CSGALNACT1: variants seen among roughly 807,000 people sequenced by gnomAD.
CSGALNACT1 encodes the protein chondroitin sulfate N-acetylgalactosaminyltransferase 1.
CSGALNACT1 carries 52 observed loss-of-function variants against 51.0 expected under a neutral mutation model. The observed-to-expected ratio is 1.02, with a 90% CI of 0.82 to 1.29. The LOEUF (loss-of-function observed/expected upper bound fraction) is 1.29, where lower values mean the gene tolerates loss of function less well. Among genes scored for constraint, CSGALNACT1 ranks in the 50% most tolerant of loss-of-function variants. The pLI, the probability that CSGALNACT1 is intolerant of heterozygous loss-of-function variation, is 0.00. For synonymous variants in CSGALNACT1, 341 were observed against 254.4 expected (o/e 1.34, Z -3.24); for missense variants, 935 against 679.2 (o/e 1.38, Z -4.19).
At chr8:19,530,143 C>A (rs915783966) in intron 3 of CSGALNACT1, among the ~76,000 whole-genome samples, 1 of 152,092 alleles carries the variant, frequency 6.6e-6, no homozygotes, top group Non-Finnish European at 1.5e-5. Flanking sequence ...ATTGCATGAA[C>A]CCAGGAGGCA....
At chr8:19,589,370 G>A (rs1254563647) in intron 3 of CSGALNACT1, among the ~76,000 whole-genome samples, 1 of 152,156 alleles carries the variant, frequency 6.6e-6, no homozygotes, top group African/African-American at 2.4e-5. Flanking sequence ...TTGTCACCCA[G>A]GCTGGAGTGC....
intron 4 of CSGALNACT1, among the ~76,000 whole-genome samples, chr8:19,486,224 G>A (rs2072899754): frequency 6.6e-6 from 1 of 151,820 alleles, no homozygotes; most frequent in Admixed American, 6.6e-5. Context: ...GATGATTGGT[G>A]ACAAGCCTCA....
chr8:19,679,048 T>C (rs116781369), intron 1 of CSGALNACT1, among the ~76,000 whole-genome samples: 2 of 152,218 alleles, frequency 1.3e-5, no homozygotes, highest in African/African-American at 4.8e-5. Flanking sequence ...ACAAACGTTA[T>C]GCAATCAATA....
At chr8:19,589,206 A>G (rs752288651) in intron 3 of CSGALNACT1, among the ~76,000 whole-genome samples, 2 of 152,158 alleles carry the variant, frequency 1.3e-5, no homozygotes, top group Admixed American at 6.5e-5. Flanking sequence ...TTGAGGAGAA[A>G]ACCATCTGCC....
At chr8:19,434,038 G>T (rs2060017558) in intron 6 of CSGALNACT1, among the ~76,000 whole-genome samples, 1 of 152,114 alleles carries the variant, frequency 6.6e-6, no homozygotes, top group Admixed American at 6.6e-5. Context: ...CCTCCATAAA[G>T]CTCCCTTTCA....
chr8:19,493,555 G>A (rs548955218), intron 4 of CSGALNACT1, among the ~76,000 whole-genome samples: 1 of 152,160 alleles, frequency 6.6e-6, no homozygotes, highest in Non-Finnish European at 1.5e-5. Flanking sequence ...CTGCTGATTT[G>A]CCTATGCTGG....
intron 1 of CSGALNACT1, among the ~76,000 whole-genome samples, chr8:19,720,245 A>T (rs562651726): frequency 6.6e-6 from 1 of 152,174 alleles, no homozygotes; most frequent in Admixed American, 6.5e-5. Flanking sequence ...GCCAAAGTCA[A>T]TCCCTAGTGA....
At chr8:19,427,787 C>CA (rs918559547) in intron 6 of CSGALNACT1, among the ~76,000 whole-genome samples, 266 of 142,190 alleles carry the variant, frequency 1.9e-3, no homozygotes, top group Middle Eastern at 0.011. Context: ...GACTCCACTT[C>CA]AAAAAAAAAA....
chr8:19,573,394 T>A (rs933260842), intron 3 of CSGALNACT1, among the ~76,000 whole-genome samples: 7 of 152,156 alleles, frequency 4.6e-5, no homozygotes. Context: ...TGCCAGGACC[T>A]TTCTGTTCAC....
chr8:19,498,001 T>C (rs1202622459), intron 4 of CSGALNACT1, among the ~76,000 whole-genome samples: 1 of 152,208 alleles, frequency 6.6e-6, no homozygotes, highest in Non-Finnish European at 1.5e-5. Context: ...TGTTGATTGA[T>C]GTCTCATGTC....
chr8:19,584,839 T>C (rs1243342334), intron 3 of CSGALNACT1, among the ~76,000 whole-genome samples: 1 of 152,180 alleles, frequency 6.6e-6, no homozygotes, highest in Non-Finnish European at 1.5e-5. Context: ...TAAGGGCTTG[T>C]CATCCAGACC....
At chr8:19,469,144 C>A (rs1306787398) in intron 4 of CSGALNACT1, among the ~76,000 whole-genome samples, 1 of 152,170 alleles carries the variant, frequency 6.6e-6, no homozygotes, top group Non-Finnish European at 1.5e-5. Flanking sequence ...AATCCTAGCA[C>A]TTTGGGAGGC....
chr8:19,437,628 C>T (rs780691548), intron 6 of CSGALNACT1, among the ~76,000 whole-genome samples: 7 of 152,146 alleles, frequency 4.6e-5, no homozygotes, highest in Non-Finnish European at 7.4e-5. Flanking sequence ...TTATTTTATT[C>T]CCTATGCAAC....
chr8:19,438,709 G>A (rs967934486), intron 6 of CSGALNACT1, among the ~76,000 whole-genome samples: 1 of 152,204 alleles, frequency 6.6e-6, no homozygotes, highest in African/African-American at 2.4e-5. Context: ...AAACGGGCAT[G>A]CCTGCATTCC....
intron 1 of CSGALNACT1, among the ~76,000 whole-genome samples, chr8:19,750,965 A>T (rs1359702528): frequency 6.6e-6 from 1 of 152,194 alleles, no homozygotes; most frequent in Non-Finnish European, 1.5e-5. Context: ...AGCTGCTAGA[A>T]AAAGCTACAT....
chr8:19,446,130 G>A (rs1307061337), intron 5 of CSGALNACT1, among the ~76,000 whole-genome samples: 3 of 152,144 alleles, frequency 2.0e-5, no homozygotes, highest in Non-Finnish European at 2.9e-5. Context: ...AGCTGAGATG[G>A]TGCCAGTGCA....
In CSGALNACT1 at chr8:19,486,127, GA is replaced by G. The variant is rs1170415084; in HGVS notation, c.634+19073del. On this transcript the variant is annotated intron_variant, in intron 4 of 9. Transcript: ENST00000454498. ...AAACCTCCTGAGAGTCTCTTTGGGAGAAAAAAAAAACAAAAAAAACAGCCAC... is the reference window on the plus strand; with the variant it reads ...AAACCTCCTGAGAGTCTCTTTGGGAGAAAAAAAAACAAAAAAAACAGCCAC... Among the ~76,000 whole-genome samples the G allele has an allele frequency of 7.6e-5, 11 of 144,056 alleles. No individual in the cohort carries two copies. In the East Asian group the frequency reaches 8.1e-4, roughly 11 times the overall value. The allele number at this position is 144,056 out of a possible 152,430, so 94.5% of individuals were successfully genotyped here. A position where few individuals can be genotyped will look rare whatever the true frequency, so the allele number is the denominator to read the frequency against.
At chr8:19,499,971 T>C (rs971990601) in intron 4 of CSGALNACT1, among the ~76,000 whole-genome samples, 6 of 152,206 alleles carry the variant, frequency 3.9e-5, no homozygotes, top group Non-Finnish European at 8.8e-5. Flanking sequence ...TTCTACAAAG[T>C]ACAGCCTCAA....
chr8:19,645,525 C>T (rs943316222), intron 1 of CSGALNACT1, among the ~76,000 whole-genome samples: 1 of 152,200 alleles, frequency 6.6e-6, no homozygotes, highest in African/African-American at 2.4e-5. Context: ...CCCAGAGCAT[C>T]CATTTCCGCA....
Sources: gnomAD v4.1 joint callset for allele counts (sites outside exome capture counted in the v4.1 genomes callset) on GRCh38, gnomAD v4.1.1 for gene constraint, MANE v1.5 for transcripts, NCBI Gene and HGNC (gene_info 2026-07-23, HGNC 2026-07-21) for gene names.